The following FLNB variants were observed in gnomAD, a reference collection of about 807,000 sequenced individuals.
FLNB encodes the protein filamin B, also known as filamin-B.
FLNB carries 111 observed loss-of-function variants against 250.6 expected under a neutral mutation model. The ratio of observed to expected loss-of-function variants is 0.44; its 90% CI spans 0.38 to 0.52. The LOEUF is 0.52. Among genes scored for constraint, FLNB ranks in the 20% least tolerant of loss-of-function variants. The pLI is 0.00. For missense variants in FLNB, 2,869 were observed against 3,447.8 expected (o/e 0.83, Z 4.20); for synonymous variants, 1,302 against 1,372.1 (o/e 0.95, Z 1.13).
At chr3:58,052,077 G>T (rs1255658601) in intron 1 of FLNB, among the ~76,000 whole-genome samples, 3 of 152,118 alleles carry the variant, frequency 2.0e-5, no homozygotes, top group Non-Finnish European at 4.4e-5. Flanking sequence ...ACTAGAGACA[G>T]GGTTTCACCA....
At position 58,159,664 on chromosome 3, in the gene FLNB, C is replaced by T. The variant is rs1158326518; in HGVS notation, c.6999C>T (p.Cys2333=). 2.5e-6 allele frequency: 4 copies of T among 1,613,760 alleles called. No individual in the cohort carries two copies. The highest frequency in any genetic ancestry group is 3.4e-6 in the Non-Finnish European group (4 of 1,180,018). Residue 2333 remains cysteine (C), a synonymous_variant, in exon 42 of 46, where the codon TGC becomes TGT. Transcript: ENST00000295956. ...GCCCCTCTGGAGCCGTGGAGGAGTG[C>T]CACGTGTCTGAGCTGGAGCCAGGTG... ...VHSPSGAVEE[C]HVSELEPDKY...
At chr3:58,011,876 G>A (rs549535747) in intron 1 of FLNB, among the ~76,000 whole-genome samples, 14 of 152,158 alleles carry the variant, frequency 9.2e-5, no homozygotes, top group East Asian at 1.9e-4. Flanking sequence ...AGAAAATGGC[G>A]CCTGTTAATT....
rs143171743 is a variant in FLNB, at chr3:58,143,689, G to A, written c.5425+76G>A. The A allele has an allele frequency of 1.3e-3, 2,031 of 1,566,002 alleles. 15 individuals are homozygous for A. The African/African-American group carries it at 0.023, about 17-fold the overall frequency. ...GGCAGCCTGCAGACACTCCTCAGCC[G>A]CTTTGCAGGGAGCAGCTCTCGGCAG... On this transcript the variant is annotated intron_variant, in intron 32 of 45. Transcript: ENST00000295956.
Position 58,100,373 on chromosome 3 carries a change from A to AAAAAAAAATATATATATATAT in FLNB, c.1345+1466_1345+1467insAAAAAAATATATATATATATA. 1.9e-3 allele frequency among the ~76,000 whole-genome samples: 197 copies of AAAAAAAAATATATATATATAT among 104,336 alleles called. 2 individuals are homozygous for AAAAAAAAATATATATATATAT. Among genetic ancestry groups the AAAAAAAAATATATATATATAT allele is most frequent in the Non-Finnish European group, 2.6e-3 (148 of 56,008 alleles). 68.4% of individuals were successfully genotyped at this position (104,336 alleles called of 152,430 possible). ...AATGATTTTACATATGTAAAAAAAA[A>AAAAAAAAATATATATATATAT]ATATATATATATTTGCAGGGGCGCG... On this transcript the variant is annotated intron_variant, in intron 8 of 45. Coordinates refer to ENST00000295956, the MANE Select transcript of FLNB (RefSeq NM_001457.4).
At chr3:58,010,658 T>C (rs560430313) in intron 1 of FLNB, among the ~76,000 whole-genome samples, 1 of 152,338 alleles carries the variant, frequency 6.6e-6, no homozygotes, top group African/African-American at 2.4e-5. Context: ...TAAAAATGTG[T>C]ATTTATTTAA....
chr3:58,101,894 C>G (rs753406058), intron 8 of FLNB, among the ~76,000 whole-genome samples: 1 of 152,236 alleles, frequency 6.6e-6, no homozygotes, highest in African/African-American at 2.4e-5. Flanking sequence ...TCGGCCTTAA[C>G]TCCCTTTCAC....
At chr3:58,155,812 C>G (rs2097352514) in intron 40 of FLNB, 148 bp from the exon 41 acceptor site, 1 of 667,876 alleles carries the variant, frequency 1.5e-6, no homozygotes, top group African/African-American at 1.8e-5. Context: ...TCGGCCCAGC[C>G]TCAGCCAGGC....
chr3:58,067,415 A>G (rs1432160641), intron 1 of FLNB, among the ~76,000 whole-genome samples: 2 of 152,172 alleles, frequency 1.3e-5, no homozygotes, highest in Admixed American at 6.5e-5. Flanking sequence ...TGAGCAAGAA[A>G]GAGAATTGGA....
chr3:58,071,654 C>A (rs749680188), intron 1 of FLNB, among the ~76,000 whole-genome samples: 9 of 152,182 alleles, frequency 5.9e-5, no homozygotes, highest in Non-Finnish European at 1.0e-4. Context: ...AAAGGATGAC[C>A]TATTCCTTCT....
chr3:58,063,943 A>G (rs1004906640), intron 1 of FLNB, among the ~76,000 whole-genome samples: 3 of 152,164 alleles, frequency 2.0e-5, no homozygotes, highest in Admixed American at 2.0e-4. Flanking sequence ...ATAGCCTAAT[A>G]TGAGGGACAA....
Position 58,155,957 on chromosome 3 carries a change from T to TAGGTAACTAC in FLNB, c.6773-2_6780dup. ...AAATGATGGGACTTTCCTGTCCTCATAGGTAACTACGAGGTGTCCATCAAG... is the reference window on the plus strand; with the variant it reads ...AAATGATGGGACTTTCCTGTCCTCATAGGTAACTACAGGTAACTACGAGGTGTCCATCAAG... On this transcript the variant is annotated splice_region_variant and splice_polypyrimidine_tract_variant and intron_variant, in intron 40 of 45. Transcript: ENST00000295956. 6.2e-7 allele frequency: 1 copy of TAGGTAACTAC among 1,604,072 alleles called. No individual in the cohort carries two copies.
chr3:58,127,939 C>A (rs561997633), intron 24 of FLNB, among the ~76,000 whole-genome samples: 2 of 152,144 alleles, frequency 1.3e-5, no homozygotes, highest in South Asian at 4.1e-4. Flanking sequence ...CCACCTCCCC[C>A]GCCCCCATTT....
At chr3:58,051,564 A>T (rs1029267721) in intron 1 of FLNB, among the ~76,000 whole-genome samples, 1 of 152,130 alleles carries the variant, frequency 6.6e-6, no homozygotes, top group Admixed American at 6.5e-5. Flanking sequence ...TGTGAGGTCT[A>T]GTTGCACACA....
At chr3:58,095,094 T>C in intron 5 of FLNB, 140 bp downstream of exon 5, 1 of 748,200 alleles carries the variant, frequency 1.3e-6, no homozygotes, top group East Asian at 2.5e-5. Context: ...CTGAGGCTTA[T>C]AGCTGTTAAA....
intron 25 of FLNB, chr3:58,132,005 A>C (rs2097308289): frequency 3.3e-6 from 5 of 1,535,250 alleles, no homozygotes; most frequent in Non-Finnish European, 4.4e-6. Context: ...CCGAAGGGTG[A>C]CTTTAATAAG....
rs115620484 is a variant in FLNB, at chr3:58,154,699, C to T, written c.6635-92C>T. 9.4e-3 allele frequency: 12,997 copies of T among 1,385,152 alleles called. 108 individuals are homozygous for T. The highest frequency in any genetic ancestry group is 0.012 in the Non-Finnish European group (11,964 of 976,258). 85.8% of individuals were successfully genotyped at this position (1,385,152 alleles called of 1,614,324 possible). A position where few individuals can be genotyped will look rare whatever the true frequency, so the allele number is the denominator to read the frequency against. Reference sequence around the variant, plus strand: ...GAAAGAGGAAAGGGCTAGCAACAGACGAAACCTAGCACTGCAGGTTTGAAC... The same window carrying T: ...GAAAGAGGAAAGGGCTAGCAACAGATGAAACCTAGCACTGCAGGTTTGAAC... On this transcript the variant is annotated intron_variant, in intron 39 of 45. Coordinates refer to ENST00000295956, the MANE Select transcript of FLNB (RefSeq NM_001457.4).
At chr3:58,060,397 A>G (rs933061787) in intron 1 of FLNB, among the ~76,000 whole-genome samples, 1 of 139,326 alleles carries the variant, frequency 7.2e-6, no homozygotes, top group Non-Finnish European at 1.5e-5. Flanking sequence ...TCTGTTGCCC[A>G]GACTGGAGTG....
intron 5 of FLNB, 109 bp downstream of exon 5, chr3:58,095,063 G>A: frequency 1.1e-6 from 1 of 921,846 alleles, no homozygotes; most frequent in Admixed American, 1.7e-5. Flanking sequence ...ACAACCAAAA[G>A]TGTTTTTTAC....
At chr3:58,149,809 A>G in intron 36 of FLNB, 41 bp from the exon 37 acceptor site, 1 of 1,613,664 alleles carries the variant, frequency 6.2e-7, no homozygotes, top group Non-Finnish European at 8.5e-7. Context: ...CCTCTTCCTG[A>G]GGAGCTGCTG....
Sources: gnomAD v4.1 joint callset for allele counts (sites outside exome capture counted in the v4.1 genomes callset) on GRCh38, gnomAD v4.1.1 for gene constraint, MANE v1.5 for transcripts, NCBI Gene and HGNC (gene_info 2026-07-23, HGNC 2026-07-21) for gene names.